The following SIPA1L1 variants were observed in gnomAD, a reference collection of about 807,000 sequenced individuals.
SIPA1L1 encodes signal-induced proliferation-associated 1-like protein 1.
Under a neutral mutation model 162.7 loss-of-function variants are expected in SIPA1L1, and 26 were observed. That is an observed-to-expected ratio of 0.16 (90% confidence interval 0.12 to 0.22). The LOEUF is 0.22. SIPA1L1 is among the 10% of genes least tolerant of loss of function. The pLI, the probability that SIPA1L1 is intolerant of heterozygous loss-of-function variation, is 1.00. For synonymous variants in SIPA1L1, 829 were observed against 837.4 expected, an observed-to-expected ratio of 0.99 and a Z score of 0.17; for missense variants, 1,874 against 2,241.0, an observed-to-expected ratio of 0.84 and a Z score of 3.31.
chr14:71,712,541 T>C (rs1281857467), intron 17 of SIPA1L1, among the ~76,000 whole-genome samples: 1 of 152,150 alleles, frequency 6.6e-6, no homozygotes, highest in African/African-American at 2.4e-5. Context: ...AAAAAAAGAT[T>C]AGTGGTAAGC....
At chr14:71,626,380 G>A (rs2148644262) in intron 7 of SIPA1L1, among the ~76,000 whole-genome samples, 1 of 152,274 alleles carries the variant, frequency 6.6e-6, no homozygotes, top group Middle Eastern at 3.4e-3. Context: ...CCGGGGGTTA[G>A]CCTCTGTCTT....
chr14:71,419,177 C>T (rs983918144), intron 2 of SIPA1L1, among the ~76,000 whole-genome samples: 2 of 151,442 alleles, frequency 1.3e-5, no homozygotes, highest in Non-Finnish European at 2.9e-5. Flanking sequence ...GATGAGCGTT[C>T]AGTAGGTTAA....
At chr14:71,675,948 T>C (rs1405009697) in intron 12 of SIPA1L1, among the ~76,000 whole-genome samples, 2 of 152,012 alleles carry the variant, frequency 1.3e-5, no homozygotes, top group Admixed American at 1.3e-4. Context: ...TTAAAATATA[T>C]ATAATAGTTC....
At chr14:71,486,956 G>A (rs1202800533) in intron 2 of SIPA1L1, among the ~76,000 whole-genome samples, 1 of 152,060 alleles carries the variant, frequency 6.6e-6, no homozygotes, top group Non-Finnish European at 1.5e-5. Context: ...TCTCACAGAG[G>A]CCCTTCTTTA....
At chr14:71,528,265 G>A (rs528388415) in intron 3 of SIPA1L1, among the ~76,000 whole-genome samples, 3 of 152,220 alleles carry the variant, frequency 2.0e-5, no homozygotes, top group East Asian at 3.9e-4. Flanking sequence ...TTTAGAAATC[G>A]AAGCTTATTT....
chr14:71,446,577 A>G (rs1030666568), intron 2 of SIPA1L1, among the ~76,000 whole-genome samples: 12 of 152,170 alleles, frequency 7.9e-5, no homozygotes, highest in African/African-American at 2.9e-4. Flanking sequence ...CTAAAAATAT[A>G]AAGAAAGAAA....
At chr14:71,430,395 C>A (rs550865292) in intron 2 of SIPA1L1, among the ~76,000 whole-genome samples, 16 of 152,222 alleles carry the variant, frequency 1.1e-4, no homozygotes, top group Admixed American at 7.2e-4. Flanking sequence ...TCTTCATATG[C>A]CACTTCTTTC....
At chr14:71,586,934 T>G (rs1253180124) in intron 4 of SIPA1L1, 1 of 152,196 alleles carries the variant, frequency 6.6e-6, no homozygotes, top group Non-Finnish European at 1.5e-5. Context: ...TCTCGGTAAG[T>G]AATAAAGTAG....
chr14:71,737,945 G>A (rs528725967), intron 22 of SIPA1L1, among the ~76,000 whole-genome samples: 8 of 152,218 alleles, frequency 5.3e-5, no homozygotes, highest in African/African-American at 1.9e-4. Flanking sequence ...TACCTCTTGT[G>A]CTGCCAAAGA....
At position 71,702,395 on chromosome 14, in the gene SIPA1L1, G is replaced by A. The variant is rs765768808; in HGVS notation, c.3536G>A (p.Arg1179His). 1.1e-5 allele frequency: 17 copies of A among 1,613,944 alleles called. No individual in the cohort carries two copies. Among genetic ancestry groups the A allele is most frequent in the South Asian group, 4.4e-5 (4 of 91,072 alleles). ...AATCACCACAGGTTTGGAGTGAGCC[G>A]TAGATCCCCAGCCTCCATTGACAGG... is the stretch of plus-strand genomic sequence containing the variant. The part of the protein sequence containing the change: ...KSMPEGFGVS[R>H]RSPASIDRQN... The change falls in exon 15 of 24, where the codon CGT becomes CAT. Residue 1179 changes from arginine (R) to histidine (H), a missense_variant. Arg to His is a conservative substitution (Grantham distance 29). Coordinates refer to ENST00000381232, the MANE Select transcript of SIPA1L1 (RefSeq NM_001386936.1).
intron 4 of SIPA1L1, among the ~76,000 whole-genome samples, chr14:71,564,143 C>T (rs749699451): frequency 6.6e-6 from 1 of 151,906 alleles, no homozygotes; most frequent in Non-Finnish European, 1.5e-5. Context: ...GAGATGGAGT[C>T]TTGCTATGTT....
intron 21 of SIPA1L1, among the ~76,000 whole-genome samples, chr14:71,734,866 C>A (rs919364692): frequency 6.6e-6 from 1 of 152,118 alleles, no homozygotes; most frequent in African/African-American, 2.4e-5. Context: ...TAAAGCCAAC[C>A]AGAGTGTCCA....
In SIPA1L1 at chr14:71,658,881, A is replaced by G. The variant is rs1431124986; in HGVS notation, c.2097+445A>G. ...ACTTGGAAAAAAGTCAAATGTCAAC[A>G]GAATGATATTCTTCCTTACCATGTT... On this transcript the variant is annotated intron_variant, in intron 9 of 23. Coordinates refer to ENST00000381232, the MANE Select transcript of SIPA1L1 (RefSeq NM_001386936.1). Among the ~76,000 whole-genome samples the G allele has an allele frequency of 5.2e-5, 8 of 152,384 alleles. No homozygotes were observed. The East Asian group carries it at 1.2e-3, about 22-fold the overall frequency.
intron 2 of SIPA1L1, chr14:71,503,679 A>G (rs1039619224): frequency 6.6e-6 from 1 of 152,160 alleles, no homozygotes; most frequent in African/African-American, 2.4e-5. Flanking sequence ...GTATGTATAT[A>G]TTTATTTACT....
chr14:71,714,217 A>G (rs992121277), intron 17 of SIPA1L1, among the ~76,000 whole-genome samples: 2 of 152,170 alleles, frequency 1.3e-5, no homozygotes, highest in Non-Finnish European at 2.9e-5. Context: ...GGGGGTGGTT[A>G]TTTTATCCAG....
chr14:71,361,548 A>T (rs1226261095), intron 2 of SIPA1L1, among the ~76,000 whole-genome samples: 1 of 152,156 alleles, frequency 6.6e-6, no homozygotes, highest in Admixed American at 6.5e-5. Context: ...TTCCTGTGTG[A>T]CTACCAGATA....
At chr14:71,585,602 A>G (rs893864530) in intron 4 of SIPA1L1, among the ~76,000 whole-genome samples, 2 of 152,206 alleles carry the variant, frequency 1.3e-5, no homozygotes, top group Admixed American at 6.5e-5. Context: ...TGTGCAGTAA[A>G]GTATTTTCTA....
intron 2 of SIPA1L1, among the ~76,000 whole-genome samples, chr14:71,448,117 T>C (rs1000507438): frequency 3.3e-5 from 5 of 152,230 alleles, no homozygotes; most frequent in Non-Finnish European, 7.3e-5. Flanking sequence ...ATGAGGAAAC[T>C]GAAGGAACTT....
chr14:71,526,794 T>C (rs150839889), intron 3 of SIPA1L1, among the ~76,000 whole-genome samples: 1 of 152,368 alleles, frequency 6.6e-6, no homozygotes, highest in African/African-American at 2.4e-5. Flanking sequence ...AATTTGTTAC[T>C]GGGTTTCGGC....
Sources: allele counts gnomAD v4.1 joint callset (sites outside exome capture counted in the v4.1 genomes callset), GRCh38; gene constraint gnomAD v4.1.1; transcripts MANE v1.5; gene names NCBI Gene and HGNC (gene_info 2026-07-23, HGNC 2026-07-21).